The following DUSP2 variants were observed in gnomAD, a reference collection of about 807,000 sequenced individuals.
The protein encoded by DUSP2 is dual specificity phosphatase 2, also known as dual specificity protein phosphatase 2.
Under a neutral mutation model 23.3 loss-of-function variants are expected in DUSP2, and 20 were observed. The observed-to-expected ratio is 0.86, with a 90% confidence interval of 0.60 to 1.25. The LOEUF is 1.25. Among genes scored for constraint, DUSP2 ranks in the 50% most tolerant of loss-of-function variants. DUSP2 has a pLI of 0.00. For missense variants in DUSP2, 435 were observed against 452.6 expected (o/e 0.96, Z 0.35); for synonymous variants, 231 against 209.7 (o/e 1.10, Z -0.88).
Position 96,145,358 on chromosome 2 carries a change from C to T in DUSP2, c.-4G>A, listed in dbSNP as rs751786084. 17 of 1,403,432 alleles carry T rather than the reference C, an allele frequency of 1.2e-5. No homozygotes were observed. Among genetic ancestry groups the T allele is most frequent in the Admixed American group, 5.7e-5 (2 of 35,346 alleles). The allele number at this position is 1,403,432 out of a possible 1,614,324, so 86.9% of individuals were successfully genotyped here. A position where few individuals can be genotyped will look rare whatever the true frequency, so the allele number is the denominator to read the frequency against. ...CGCGCGCCGCCTCCAGCCCCATGGC[C>T]ACCGGTGCCTCTTCCTCTTCCTTTC... On this transcript the variant is annotated 5_prime_UTR_variant, in exon 1 of 4. Transcript: ENST00000288943.
At position 96,143,961 on chromosome 2, in the gene DUSP2, C is replaced by T. The variant is rs766312401; in HGVS notation, c.807G>A (p.Leu269=). 1 of 1,613,890 alleles carries T rather than the reference C, an allele frequency of 6.2e-7. No homozygotes were observed. Among genetic ancestry groups the T allele is most frequent in the Non-Finnish European group, 8.5e-7 (1 of 1,180,032 alleles). The change falls in exon 4 of 4, where the codon CTG becomes CTA. Residue 269 remains leucine, a synonymous_variant. Coordinates refer to ENST00000288943, the MANE Select transcript of DUSP2 (RefSeq NM_004418.4). ...AGISRSATIC[L]AYLMQSRRVR... The stretch of plus-strand genomic sequence containing the variant: ...CACGGCGACTCTGCATGAGGTATGC[C>T]AGACAGATGGTGGCAGAGCGCGAGA...
rs1682464945 is a variant in DUSP2, at chr2:96,144,446, C to G, written c.511-73G>C. 5 of 1,489,278 alleles carry G rather than the reference C, an allele frequency of 3.4e-6. No individual in the cohort carries two copies. In the Admixed American group the frequency reaches 5.8e-5, roughly 17 times the overall value. The allele number at this position is 1,489,278 out of a possible 1,614,324, so 92.3% of individuals were successfully genotyped here. ...GAGCTGGAGCAGCAGCGGGTGGAGACCCCATGGGCTGGCCGAGACAAGAGG... is the reference window on the plus strand; with the variant it reads ...GAGCTGGAGCAGCAGCGGGTGGAGAGCCCATGGGCTGGCCGAGACAAGAGG... On this transcript the variant is annotated intron_variant, in intron 2 of 3. Transcript: ENST00000288943.
rs981274384 is a variant in DUSP2, at chr2:96,145,142, C to A, written c.213G>T (p.Leu71=). 7 of 1,344,902 alleles carry A rather than the reference C, an allele frequency of 5.2e-6. No homozygotes were observed. The highest frequency in any genetic ancestry group is 7.8e-5 in the Admixed American group (2 of 25,656). 83.3% of individuals were successfully genotyped at this position (1,344,902 alleles called of 1,614,324 possible). ...GPPAAVLACL[L]PDRALRTRLV... ...GGCGCGTCCGCAGCGCGCGGTCGGG[C>A]AGCAGGCAGGCGAGAACGGCGGCAG... is the stretch of plus-strand genomic sequence containing the variant. The change falls in exon 1 of 4, where the codon CTG becomes CTT. Residue 71 remains leucine (L), a synonymous_variant. Coordinates refer to ENST00000288943, the MANE Select transcript of DUSP2 (RefSeq NM_004418.4).
At position 96,144,766 on chromosome 2, in the gene DUSP2, C is replaced by G. The variant is rs551527506; in HGVS notation, c.505G>C (p.Asp169His). 1.3e-6 allele frequency: 2 copies of G among 1,588,612 alleles called. No homozygotes were observed. The highest frequency in any genetic ancestry group is 1.8e-5 in the Admixed American group (1 of 56,024). ...GGAGGGGGGTCAATACTCACCTGGT[C>G]GTAGACAGGAGCCCTGGAGTCGGAG... ...SRSDSRAPVY[D>H]QGGPVEILPY... The change falls in exon 2 of 4, where the codon GAC becomes CAC. Residue 169 changes from aspartate to histidine, a missense_variant. Physicochemically the swap from Asp to His is moderately conservative, Grantham distance 81. Coordinates refer to ENST00000288943, the MANE Select transcript of DUSP2 (RefSeq NM_004418.4).
In DUSP2 at chr2:96,143,899, C is replaced by T. The variant is rs771931357; in HGVS notation, c.869G>A (p.Arg290His). The change falls in exon 4 of 4, where the codon CGC (arginine) becomes CAC (histidine). Residue 290 changes from arginine (R) to histidine (H), a missense_variant. Arg to His is a conservative substitution (Grantham distance 29, BLOSUM62 0). Transcript: ENST00000288943. ...LDEAFDFVKQ[R>H]RGVISPNFSF... is the part of the protein sequence containing the mutation. ...GAAGTTGGGGGAGATGACCCCCCGG[C>T]GCTGCTTAACGAAGTCAAAGGCCTC... 8.1e-6 allele frequency: 13 copies of T among 1,613,624 alleles called. No homozygotes were observed. In the African/African-American group the frequency reaches 1.1e-4, roughly 13 times the overall value.
rs1167638397 is a variant in DUSP2, at chr2:96,145,076, C to T, written c.279G>A (p.Glu93=). Residue 93 remains glutamate (E), a synonymous_variant, in exon 1 of 4, where the codon GAG becomes GAA. Coordinates refer to ENST00000288943, the MANE Select transcript of DUSP2 (RefSeq NM_004418.4). ...GELARAVVLD[E]GSASVAELRP... is the part of the protein sequence containing the mutation. ...GGAGCTCCGCCACCGAGGCACTGCC[C>T]TCGTCCAGCACCACGGCCCGCGCCA... 6 of 1,511,902 alleles carry T rather than the reference C, an allele frequency of 4.0e-6. No individual in the cohort carries two copies. The highest frequency in any genetic ancestry group is 1.4e-5 in the African/African-American group (1 of 70,846). The allele number at this position is 1,511,902 out of a possible 1,614,324, so 93.7% of individuals were successfully genotyped here. A position where few individuals can be genotyped will look rare whatever the true frequency, so the allele number is the denominator to read the frequency against.
chr2:96,144,794 G>A lies in DUSP2; in HGVS notation c.477C>T (p.Ser159=). ...AGACAGGAGCCCTGGAGTCGGAGCGGCTGGTTTTGTCCCCTGTTGGCGGCA... is the reference window on the plus strand; with the variant it reads ...AGACAGGAGCCCTGGAGTCGGAGCGACTGGTTTTGTCCCCTGTTGGCGGCA... ...PALPPTGDKT[S]RSDSRAPVYD... is the part of the protein sequence containing the mutation. The change falls in exon 2 of 4, where the codon AGC becomes AGT. Residue 159 remains serine (S), a synonymous_variant. Transcript: ENST00000288943. The A allele has an allele frequency of 1.3e-6, 2 of 1,586,886 alleles. No homozygotes were observed. The highest frequency in any genetic ancestry group is 8.6e-7 in the Non-Finnish European group (1 of 1,168,018).
Position 96,145,052 on chromosome 2 carries a change from G to C in DUSP2, c.303C>G (p.Leu101=), listed in dbSNP as rs770238290. The C allele has an allele frequency of 6.6e-7, 1 of 1,526,314 alleles. No individual in the cohort carries two copies. Among genetic ancestry groups the C allele is most frequent in the South Asian group, 1.2e-5 (1 of 83,296 alleles). 94.5% of individuals were successfully genotyped at this position (1,526,314 alleles called of 1,614,324 possible). ...LDEGSASVAE[L]RPDSPAHVLL... ...GCACATGAGCCGGGCTGTCGGGCCG[G>C]AGCTCCGCCACCGAGGCACTGCCCT... The change falls in exon 1 of 4, where the codon CTC becomes CTG. Residue 101 remains leucine, a synonymous_variant. Transcript: ENST00000288943.
chr2:96,145,134 C>T lies in DUSP2; in HGVS notation c.221G>A (p.Arg74His), dbSNP rs1470352116. The T allele has an allele frequency of 3.7e-6, 5 of 1,348,382 alleles. No homozygotes were observed. The East Asian group carries it at 9.4e-5, about 25-fold the overall frequency. The allele number at this position is 1,348,382 out of a possible 1,614,324, so 83.5% of individuals were successfully genotyped here. A position where few individuals can be genotyped will look rare whatever the true frequency, so the allele number is the denominator to read the frequency against. Residue 74 changes from arginine (R) to histidine (H), a missense_variant, in exon 1 of 4, where the codon CGC becomes CAC. Physicochemically the swap from Arg to His is conservative, Grantham distance 29. Transcript: ENST00000288943. ...GCGGACCAGGCGCGTCCGCAGCGCG[C>T]GGTCGGGCAGCAGGCAGGCGAGAAC... is the stretch of plus-strand genomic sequence containing the variant. Reference protein sequence around the residue: ...AAVLACLLPDRALRTRLVRGE... With the variant: ...AAVLACLLPDHALRTRLVRGE...
rs748240347 is a variant in DUSP2 at position 96,144,906 on chromosome 2, T to C, written c.389-24A>G. 129 of 1,547,882 alleles carry C rather than the reference T, an allele frequency of 8.3e-5. 4 individuals carry two copies. The highest frequency in any genetic ancestry group is 8.7e-5 in the Non-Finnish European group (100 of 1,145,554). ...TCCTGCAAGGAGGGGAAGAGCACGA[T>C]CAGCAGGGAAAGCCGGGCTGGAGTC... is the stretch of plus-strand genomic sequence containing the variant. On this transcript the variant is annotated intron_variant, in intron 1 of 3. Coordinates refer to ENST00000288943, the MANE Select transcript of DUSP2 (RefSeq NM_004418.4).
intron 1 of DUSP2, 26 bp downstream of exon 1, chr2:96,144,941 G>C: frequency 5.2e-6 from 8 of 1,547,948 alleles, no homozygotes; most frequent in Non-Finnish European, 7.0e-6. Context: ...CGGGTGGGGC[G>C]GGCCAAGGGC....
In DUSP2 at chr2:96,143,355, C is replaced by T. The variant is rs759287617; in HGVS notation, c.*468G>A. 2 of 167,348 alleles carry T rather than the reference C, an allele frequency of 1.2e-5. No individual in the cohort carries two copies. The highest frequency in any genetic ancestry group is 1.1e-4 in the Admixed American group (2 of 17,494). 10.4% of individuals were successfully genotyped at this position (167,348 alleles called of 1,614,324 possible). A position where few individuals can be genotyped will look rare whatever the true frequency, so the allele number is the denominator to read the frequency against. On this transcript the variant is annotated 3_prime_UTR_variant, in exon 4 of 4. Coordinates refer to ENST00000288943, the MANE Select transcript of DUSP2 (RefSeq NM_004418.4). ...TGTGAAAGGCTCACAGACAGACACACGCAACATGACACACCCATCACTTCC... is the reference window on the plus strand; with the variant it reads ...TGTGAAAGGCTCACAGACAGACACATGCAACATGACACACCCATCACTTCC...
rs1203694264 is a variant in DUSP2 at position 96,145,010 on chromosome 2, C to T, written c.345G>A (p.Leu115=). Residue 115 remains leucine, a synonymous_variant, in exon 1 of 4, where the codon CTG becomes CTA. Transcript: ENST00000288943. ...SPAHVLLAAL[L]HETRAGPTAV... ...CAGTGGGCCCCGCGCGGGTCTCGTGCAGCAGCGCGGCCAGCAGCACATGAG... is the reference window on the plus strand; with the variant it reads ...CAGTGGGCCCCGCGCGGGTCTCGTGTAGCAGCGCGGCCAGCAGCACATGAG... The T allele has an allele frequency of 1.3e-6, 2 of 1,540,780 alleles. No individual in the cohort carries two copies. Among genetic ancestry groups the T allele is most frequent in the Admixed American group, 2.0e-5 (1 of 51,004 alleles).
In DUSP2 at chr2:96,144,366, G is replaced by A; in HGVS notation, c.518C>T (p.Pro173Leu). The A allele has an allele frequency of 1.2e-6, 2 of 1,613,246 alleles. No homozygotes were observed. The highest frequency in any genetic ancestry group is 1.7e-6 in the Non-Finnish European group (2 of 1,179,802). ...SRAPVYDQGG[P>L]VEILPYLFLG... ...GAACAGGTAGGGCAAGATCTCCACA[G>A]GGCCACCCTGGAGGGAACAGAGGGG... The change falls in exon 3 of 4, where the codon CCT becomes CTT. Residue 173 changes from proline to leucine, a missense_variant. Physicochemically the swap from Pro to Leu is moderately conservative, Grantham distance 98. Coordinates refer to ENST00000288943, the MANE Select transcript of DUSP2 (RefSeq NM_004418.4).
rs1573923131 is a variant in DUSP2, at chr2:96,144,847, G to A, written c.424C>T (p.Leu142=). The A allele has an allele frequency of 1.9e-6, 3 of 1,557,300 alleles. No individual in the cohort carries two copies. The highest frequency in any genetic ancestry group is 2.4e-5 in the East Asian group (1 of 41,844). ...FDGFQGCCPD[L]CSEAPAPALP... ...GCAGGGGCGGGGGCCTCAGAGCACAGATCGGGACAGCAGCCCTGGAAGCCG... is the reference window on the plus strand; with the variant it reads ...GCAGGGGCGGGGGCCTCAGAGCACAAATCGGGACAGCAGCCCTGGAAGCCG... The change falls in exon 2 of 4, where the codon CTG becomes TTG. Residue 142 remains leucine (L), a synonymous_variant. Coordinates refer to ENST00000288943, the MANE Select transcript of DUSP2 (RefSeq NM_004418.4).
chr2:96,143,867 T>A lies in DUSP2; in HGVS notation c.901A>T (p.Met301Leu), dbSNP rs745791600. 12 of 1,613,576 alleles carry A rather than the reference T, an allele frequency of 7.4e-6. No homozygotes were observed. The highest frequency in any genetic ancestry group is 1.0e-5 in the Non-Finnish European group (12 of 1,180,004). The change falls in exon 4 of 4, where the codon ATG (methionine) becomes TTG (leucine). Residue 301 changes from methionine to leucine, a missense_variant. Physicochemically the swap from Met to Leu is conservative, Grantham distance 15. Coordinates refer to ENST00000288943, the MANE Select transcript of DUSP2 (RefSeq NM_004418.4). The part of the protein sequence containing the change: ...RGVISPNFSF[M>L]GQLLQFETQV... ...GTCTCAAACTGCAGCAGCTGCCCCA[T>A]GAAACTGAAGTTGGGGGAGATGACC...
rs1305883255 is a variant in DUSP2 at position 96,144,780 on chromosome 2, C to T, written c.491G>A (p.Arg164Lys). 3 of 1,591,242 alleles carry T rather than the reference C, an allele frequency of 1.9e-6. No homozygotes were observed. In the South Asian group the frequency reaches 3.4e-5, roughly 18 times the overall value. ...ACTCACCTGGTCGTAGACAGGAGCC[C>T]TGGAGTCGGAGCGGCTGGTTTTGTC... ...TGDKTSRSDS[R>K]APVYDQGGPV... Residue 164 changes from arginine (R) to lysine (K), a missense_variant, in exon 2 of 4, where the codon AGG (arginine) becomes AAG (lysine). By Grantham distance (26) the Arg-to-Lys change is conservative. Coordinates refer to ENST00000288943, the MANE Select transcript of DUSP2 (RefSeq NM_004418.4).
In DUSP2 at chr2:96,143,680, C is replaced by G; in HGVS notation, c.*143G>C. 1 of 945,340 alleles carries G rather than the reference C, an allele frequency of 1.1e-6. No individual in the cohort carries two copies. Among genetic ancestry groups the G allele is most frequent in the Non-Finnish European group, 1.6e-6 (1 of 638,702 alleles). 58.6% of individuals were successfully genotyped at this position (945,340 alleles called of 1,614,324 possible). A position where few individuals can be genotyped will look rare whatever the true frequency, so the allele number is the denominator to read the frequency against. On this transcript the variant is annotated 3_prime_UTR_variant, in exon 4 of 4. Transcript: ENST00000288943. ...GACCAGCATGCCGGCATTCCTAGAG[C>G]CCCCATGTGGGGGCTTCTGAAACTC...
chr2:96,143,892 C>G lies in DUSP2; in HGVS notation c.876G>C (p.Gly292=). Residue 292 remains glycine, a synonymous_variant, in exon 4 of 4, where the codon GGG becomes GGC. Coordinates refer to ENST00000288943, the MANE Select transcript of DUSP2 (RefSeq NM_004418.4). ...TGAAACTGAAGTTGGGGGAGATGACCCCCCGGCGCTGCTTAACGAAGTCAA... is the reference window on the plus strand; with the variant it reads ...TGAAACTGAAGTTGGGGGAGATGACGCCCCGGCGCTGCTTAACGAAGTCAA... ...EAFDFVKQRR[G]VISPNFSFMG... The G allele has an allele frequency of 6.2e-7, 1 of 1,613,696 alleles. No individual in the cohort carries two copies. The highest frequency in any genetic ancestry group is 1.3e-5 in the African/African-American group (1 of 75,040).
Sources: gnomAD v4.1 joint callset for allele counts on GRCh38, gnomAD v4.1.1 for gene constraint, MANE v1.5 for transcripts, NCBI Gene and HGNC (gene_info 2026-07-23, HGNC 2026-07-21) for gene names.